MACROD2: variants seen among roughly 807,000 people sequenced by gnomAD.
MACROD2 encodes the protein mono-ADP ribosylhydrolase 2, also known as ADP-ribose glycohydrolase MACROD2.
MACROD2 carries 36 observed loss-of-function variants against 70.4 expected under a neutral mutation model. The observed-to-expected ratio is 0.51, with a 90% confidence interval of 0.39 to 0.68. The LOEUF (loss-of-function observed/expected upper bound fraction) is 0.68. Among genes scored for constraint, MACROD2 ranks in the 30% least tolerant of loss-of-function variants. The pLI is 0.00. For synonymous variants in MACROD2, 172 were observed against 178.8 expected (o/e 0.96, Z 0.30); for missense variants, 496 against 538.4 (o/e 0.92, Z 0.78).
At chr20:15,586,126 A>G (rs954810540) in intron 8 of MACROD2, among the ~76,000 whole-genome samples, 4 of 152,202 alleles carry the variant, frequency 2.6e-5, no homozygotes, top group African/African-American at 9.6e-5. Context: ...GCCCTTGTTC[A>G]TCATCTATTT....
intron 8 of MACROD2, among the ~76,000 whole-genome samples, chr20:15,686,014 T>C (rs983533717): frequency 2.0e-5 from 3 of 152,128 alleles, no homozygotes; most frequent in Non-Finnish European, 4.4e-5. Context: ...TGTCTGTATA[T>C]TTATGAAGGA....
chr20:14,590,478 C>G (rs950479021), intron 4 of MACROD2, among the ~76,000 whole-genome samples: 1 of 152,118 alleles, frequency 6.6e-6, no homozygotes, highest in Admixed American at 6.5e-5. Context: ...AAACTCCTAG[C>G]CTACCCCGTA....
rs185303457 is a variant in MACROD2 at position 15,468,083 on chromosome 20, C to T, written c.572-31691C>T. On this transcript the variant is annotated intron_variant, in intron 7 of 17. Transcript: ENST00000684519. ...TAGATGGCAAATTTTATGTTTTCCT[C>T]CCACTAGACTATAAATGTCTTTTGT... 9.7e-4 allele frequency among the ~76,000 whole-genome samples: 148 copies of T among 152,214 alleles called. No individual in the cohort carries two copies. In the Middle Eastern group the frequency reaches 0.01, roughly 10 times the overall value.
intron 3 of MACROD2, among the ~76,000 whole-genome samples, chr20:14,184,253 G>A (rs547284735): frequency 6.6e-6 from 1 of 152,150 alleles, no homozygotes; most frequent in African/African-American, 2.4e-5. Context: ...CATATGGCTA[G>A]CCAGTTATCC....
chr20:14,204,382 A>T (rs2081505553), intron 3 of MACROD2, among the ~76,000 whole-genome samples: 1 of 152,106 alleles, frequency 6.6e-6, no homozygotes, highest in African/African-American at 2.4e-5. Flanking sequence ...TGCTCCAGAG[A>T]TGTGGAGATG....
chr20:15,680,454 CG>C (rs1302883336), intron 8 of MACROD2, among the ~76,000 whole-genome samples: 1 of 152,030 alleles, frequency 6.6e-6, no homozygotes, highest in Non-Finnish European at 1.5e-5. Flanking sequence ...ATAGAATACC[CG>C]ACCTATATCA....
chr20:15,447,786 G>GTT (rs1278567468), intron 7 of MACROD2, among the ~76,000 whole-genome samples: 1 of 152,188 alleles, frequency 6.6e-6, no homozygotes, highest in Non-Finnish European at 1.5e-5. Context: ...CAATGAAGCT[G>GTT]TTTTGTGTTC....
chr20:15,903,559 A>C (rs2065097614), intron 10 of MACROD2, among the ~76,000 whole-genome samples: 2 of 152,118 alleles, frequency 1.3e-5, no homozygotes, highest in African/African-American at 4.8e-5. Context: ...CTCACCCCCA[A>C]AGTCTCTGAT....
At chr20:15,909,101 G>GCTTC (rs1401568876) in intron 10 of MACROD2, among the ~76,000 whole-genome samples, 1 of 152,174 alleles carries the variant, frequency 6.6e-6, no homozygotes, top group East Asian at 1.9e-4. Flanking sequence ...AATATCCAGG[G>GCTTC]CTTCTCTTAC....
At chr20:15,447,080 G>GTGTGTGTC (rs1555821812) in intron 7 of MACROD2, among the ~76,000 whole-genome samples, 3 of 146,820 alleles carry the variant, frequency 2.0e-5, no homozygotes, top group Non-Finnish European at 4.5e-5. Flanking sequence ...GTGTGTGTGT[G>GTGTGTGTC]TGTGTGTCTG....
At chr20:15,441,864 A>T (rs1284517714) in intron 7 of MACROD2, among the ~76,000 whole-genome samples, 1 of 152,190 alleles carries the variant, frequency 6.6e-6, no homozygotes, top group Non-Finnish European at 1.5e-5. Context: ...AAGCCTTTTA[A>T]GGAAATAGAA....
intron 8 of MACROD2, among the ~76,000 whole-genome samples, chr20:15,592,810 G>T (rs369946104): frequency 5.3e-5 from 8 of 152,254 alleles, no homozygotes; most frequent in African/African-American, 1.9e-4. Context: ...ACTGGAGAGT[G>T]GTGAAAACAT....
chr20:14,039,295 A>G (rs1337568134), intron 2 of MACROD2, among the ~76,000 whole-genome samples: 3 of 152,176 alleles, frequency 2.0e-5, no homozygotes, highest in Non-Finnish European at 4.4e-5. Context: ...GTACTTGATT[A>G]TATTTGAAGT....
chr20:15,998,810 C>T (rs558288276), intron 15 of MACROD2, among the ~76,000 whole-genome samples: 16 of 152,076 alleles, frequency 1.1e-4, no homozygotes, highest in African/African-American at 3.1e-4. Flanking sequence ...GTGATCTGCC[C>T]GTCTCGGCCT....
chr20:15,827,260 A>G lies in MACROD2; in HGVS notation c.646-35485A>G, dbSNP rs73246742. Among the ~76,000 whole-genome samples the G allele has an allele frequency of 5.8e-3, 890 of 152,306 alleles. 7 individuals are homozygous for G. Among genetic ancestry groups the G allele is most frequent in the African/African-American group, 0.02 (826 of 41,576 alleles). On this transcript the variant is annotated intron_variant, in intron 8 of 17. Transcript: ENST00000684519. ...TTCAGAATAAAGATATCCATGATTT[A>G]TACCCAATTCAAGAGGAGACTTTGG...
Position 14,301,779 on chromosome 20 carries a change from T to C in MACROD2, c.272-191700T>C, listed in dbSNP as rs112354394. On this transcript the variant is annotated intron_variant, in intron 3 of 17. Transcript: ENST00000684519. ...TCTTGATGTTATTGATTTAACCTGT[T>C]TCCCTCTTTTGAAATAGCTGTGTAG... is the stretch of plus-strand genomic sequence containing the variant. 4.1e-3 allele frequency among the ~76,000 whole-genome samples: 629 copies of C among 152,298 alleles called. 7 individuals are homozygous for C. The highest frequency in any genetic ancestry group is 0.015 in the African/African-American group (612 of 41,578).
chr20:15,539,199 A>T (rs370256682), intron 8 of MACROD2, among the ~76,000 whole-genome samples: 37 of 152,272 alleles, frequency 2.4e-4, no homozygotes, highest in East Asian at 1.9e-3. Flanking sequence ...ATCTCAAGAG[A>T]TGTAGGGGCA....
intron 6 of MACROD2, among the ~76,000 whole-genome samples, chr20:15,264,208 C>T (rs185306562): frequency 3.5e-4 from 53 of 152,230 alleles, no homozygotes; most frequent in Non-Finnish European, 6.6e-4. Context: ...GAAGATGCCT[C>T]TTTGAATAAA....
chr20:14,056,199 G>A (rs1040803289), intron 2 of MACROD2, among the ~76,000 whole-genome samples: 1 of 151,860 alleles, frequency 6.6e-6, no homozygotes, highest in Non-Finnish European at 1.5e-5. Flanking sequence ...AAAATTATTA[G>A]CAAACACTTA....
Sources: allele counts gnomAD v4.1 joint callset (sites outside exome capture counted in the v4.1 genomes callset), GRCh38; gene constraint gnomAD v4.1.1; transcripts MANE v1.5; gene names NCBI Gene and HGNC (gene_info 2026-07-23, HGNC 2026-07-21).